The following RPS19 variants were observed in gnomAD, a reference collection of about 807,000 sequenced individuals.
RPS19 encodes the protein small ribosomal subunit protein eS19.
RPS19 carries 1 observed loss-of-function variant against 20.3 expected under a neutral mutation model. The ratio of observed to expected loss-of-function variants is 0.05; its 90% CI spans 0.02 to 0.23. The LOEUF (loss-of-function observed/expected upper bound fraction) is 0.23, where lower values mean the gene tolerates loss of function less well. RPS19 is among the 10% of genes least tolerant of loss of function. The pLI is 1.00. For missense variants in RPS19, 111 were observed against 192.7 expected, an observed-to-expected ratio of 0.58 and a Z score of 2.51; for synonymous variants, 87 against 74.8, an observed-to-expected ratio of 1.16 and a Z score of -0.84.
chr19:41,867,900 A>G (rs992164580), intron 3 of RPS19, among the ~76,000 whole-genome samples: 8 of 151,982 alleles, frequency 5.3e-5, no homozygotes, highest in African/African-American at 1.9e-4. Flanking sequence ...TTTTTGATCC[A>G]CCCTTGGTTG....
chr19:41,861,302 C>T (rs1292688637), intron 3 of RPS19, 90 bp downstream of exon 3: 4 of 947,182 alleles, frequency 4.2e-6, no homozygotes, highest in Non-Finnish European at 6.8e-6. Context: ...AGCTCTTTCC[C>T]GCCCCAAGAG....
intron 3 of RPS19, among the ~76,000 whole-genome samples, chr19:41,863,534 A>G (rs1317973550): frequency 3.3e-5 from 5 of 152,214 alleles, no homozygotes; most frequent in Non-Finnish European, 7.3e-5. Context: ...ATTTGAGGCT[A>G]AAGTGTGCTA....
chr19:41,861,035 T>TGA, intron 2 of RPS19, 77 bp from the exon 3 acceptor site: 1 of 1,198,984 alleles, frequency 8.3e-7, no homozygotes, highest in Non-Finnish European at 1.2e-6. Flanking sequence ...ATAGTTGTGT[T>TGA]GAGGGGAGGG....
chr19:41,867,237 G>T (rs1425081926), intron 3 of RPS19, among the ~76,000 whole-genome samples: 1 of 151,714 alleles, frequency 6.6e-6, no homozygotes, highest in African/African-American at 2.4e-5. Flanking sequence ...CTGCACTCCA[G>T]CCTGGGTGAC....
intron 3 of RPS19, among the ~76,000 whole-genome samples, chr19:41,865,723 C>T (rs931747438): frequency 1.2e-4 from 18 of 151,600 alleles, no homozygotes; most frequent in Non-Finnish European, 2.5e-4. Flanking sequence ...CCGAGGCGGG[C>T]GGATCATGAG....
chr19:41,868,606 A>G (rs782384460), intron 3 of RPS19, among the ~76,000 whole-genome samples: 5 of 152,046 alleles, frequency 3.3e-5, no homozygotes, highest in Non-Finnish European at 7.4e-5. Flanking sequence ...AGCAGGGGGC[A>G]CCCACTGCAC....
At position 41,871,406 on chromosome 19, in the gene RPS19, C is replaced by A; in HGVS notation, c.*29C>A. 1 of 1,607,402 alleles carries A rather than the reference C, an allele frequency of 6.2e-7. No homozygotes were observed. Among genetic ancestry groups the A allele is most frequent in the Non-Finnish European group, 8.5e-7 (1 of 1,174,244 alleles). ...AAACCATGCTGGGTTAATAAATTGC[C>A]TCATTCGTAATCCTGGTCTGGGTCT... is the stretch of plus-strand genomic sequence containing the variant. On this transcript the variant is annotated 3_prime_UTR_variant, in exon 6 of 6. Transcript: ENST00000598742.
chr19:41,861,376 C>T (rs1463117350), intron 3 of RPS19, 164 bp downstream of exon 3: 7 of 649,358 alleles, frequency 1.1e-5, no homozygotes, highest in Non-Finnish European at 2.0e-5. Flanking sequence ...TAACTTGGTA[C>T]TCCAAGTTTT....
chr19:41,863,260 C>T (rs1271196641), intron 3 of RPS19, among the ~76,000 whole-genome samples: 1 of 152,198 alleles, frequency 6.6e-6, no homozygotes, highest in African/African-American at 2.4e-5. Context: ...CCGCCTCAGC[C>T]TTCCAAAGCA....
At chr19:41,867,059 T>C (rs889884055) in intron 3 of RPS19, among the ~76,000 whole-genome samples, 1 of 151,560 alleles carries the variant, frequency 6.6e-6, no homozygotes, top group Non-Finnish European at 1.5e-5. Flanking sequence ...GGCACACACC[T>C]GTAATCCCAG....
Position 41,871,849 on chromosome 19 carries a change from G to A in RPS19, c.*472G>A, listed in dbSNP as rs1308321888. The stretch of plus-strand genomic sequence containing the variant: ...TGACCTCAGCTGGGCCTGGGCTGCA[G>A]AGGTGGCTTCCGCTGGAGTAAAGCA... On this transcript the variant is annotated 3_prime_UTR_variant, in exon 6 of 6. Coordinates refer to ENST00000598742, the MANE Select transcript of RPS19 (RefSeq NM_001022.4). 5.3e-6 allele frequency: 1 copy of A among 187,232 alleles called. No homozygotes were observed. Among genetic ancestry groups the A allele is most frequent in the African/African-American group, 2.4e-5 (1 of 42,060 alleles). 11.6% of individuals were successfully genotyped at this position (187,232 alleles called of 1,614,324 possible).
rs1385521848 is a variant in RPS19 at position 41,861,185 on chromosome 19, G to C, written c.145G>C (p.Asp49His). The C allele has an allele frequency of 4.3e-6, 7 of 1,613,974 alleles. No homozygotes were observed. The highest frequency in any genetic ancestry group is 2.2e-5 in the South Asian group (2 of 91,086). The change falls in exon 3 of 6, where the codon GAT (aspartate) becomes CAT (histidine). Residue 49 changes from aspartate to histidine, a missense_variant. Coordinates refer to ENST00000598742, the MANE Select transcript of RPS19 (RefSeq NM_001022.4). ...LAKHKELAPYDENWFYTRAAS... is the reference protein window; with the variant it reads ...LAKHKELAPYHENWFYTRAAS... Reference sequence around the variant, plus strand: ...CAAGCACAAAGAGCTTGCTCCCTACGATGAGAACTGGTTCTACACGCGAGC... The same window carrying C: ...CAAGCACAAAGAGCTTGCTCCCTACCATGAGAACTGGTTCTACACGCGAGC...
At chr19:41,865,233 C>T (rs940771096) in intron 3 of RPS19, among the ~76,000 whole-genome samples, 3 of 152,054 alleles carry the variant, frequency 2.0e-5, no homozygotes, top group Non-Finnish European at 4.4e-5. Context: ...GGCGTGGTAG[C>T]AGGCGCCTGT....
At chr19:41,867,335 ACT>A (rs1555840929) in intron 3 of RPS19, among the ~76,000 whole-genome samples, 1 of 151,842 alleles carries the variant, frequency 6.6e-6, no homozygotes, top group African/African-American at 2.4e-5. Flanking sequence ...ACAGAGTCTC[ACT>A]CTGTCACCCA....
chr19:41,871,455 C>G lies in RPS19; in HGVS notation c.*78C>G, dbSNP rs529570829. 13 of 1,348,358 alleles carry G rather than the reference C, an allele frequency of 9.6e-6. No homozygotes were observed. Among genetic ancestry groups the G allele is most frequent in the Non-Finnish European group, 1.3e-5 (12 of 941,822 alleles). The allele number at this position is 1,348,358 out of a possible 1,614,324, so 83.5% of individuals were successfully genotyped here. On this transcript the variant is annotated 3_prime_UTR_variant, in exon 6 of 6. Coordinates refer to ENST00000598742, the MANE Select transcript of RPS19 (RefSeq NM_001022.4). ...CTCTTTTTTGAGTCTCTTGCTCTGT[C>G]GCCCAGGCTGGAGTGCAGTGGCGCC... is the stretch of plus-strand genomic sequence containing the variant.
At chr19:41,868,026 A>T (rs142096702) in intron 3 of RPS19, among the ~76,000 whole-genome samples, 94 of 152,266 alleles carry the variant, frequency 6.2e-4, no homozygotes, top group African/African-American at 2.1e-3. Context: ...CCCCACACAG[A>T]CTACTGCCTG....
chr19:41,868,988 C>T (rs1555841275), intron 3 of RPS19, 43 bp from the exon 4 acceptor site: 5 of 1,591,624 alleles, frequency 3.1e-6, no homozygotes, highest in Non-Finnish European at 4.3e-6. Context: ...TTACCTGAGA[C>T]CTTGATCAAG....
At chr19:41,860,662 C>T (rs541849385) in intron 1 of RPS19, 113 bp from the exon 2 acceptor site, 13 of 866,980 alleles carry the variant, frequency 1.5e-5, no homozygotes, top group South Asian at 2.6e-5. Flanking sequence ...TGGGAAGTAA[C>T]GGGGGGTACC....
chr19:41,865,949 TAA>T (rs35155067), intron 3 of RPS19, among the ~76,000 whole-genome samples: 13 of 74,500 alleles, frequency 1.7e-4, no homozygotes, highest in Non-Finnish European at 2.0e-4. Flanking sequence ...ACTCCGTCTT[TAA>T]AAAAAAAAAA....
Sources: gnomAD v4.1 joint callset for allele counts (sites outside exome capture counted in the v4.1 genomes callset) on GRCh38, gnomAD v4.1.1 for gene constraint, MANE v1.5 for transcripts, NCBI Gene and HGNC (gene_info 2026-07-23, HGNC 2026-07-21) for gene names.